The following PTPRS variants were observed in gnomAD, a reference collection of about 807,000 sequenced individuals.
PTPRS encodes the protein receptor-type tyrosine-protein phosphatase S.
A neutral mutation model predicts 215.3 loss-of-function variants in PTPRS; 63 were observed. The observed-to-expected ratio is 0.29, with a 90% CI of 0.24 to 0.36. The LOEUF (loss-of-function observed/expected upper bound fraction) is 0.36. Among genes scored for constraint, PTPRS ranks in the 10% least tolerant of loss-of-function variants. The pLI, the probability that PTPRS is intolerant of heterozygous loss-of-function variation, is 1.00. For missense variants in PTPRS, 2,258 were observed against 2,825.8 expected (o/e 0.80, Z 4.56); for synonymous variants, 1,404 against 1,191.4 (o/e 1.18, Z -3.68).
chr19:5,302,858 C>G (rs1322956936), intron 1 of PTPRS, among the ~76,000 whole-genome samples: 1 of 146,538 alleles, frequency 6.8e-6, no homozygotes, highest in Non-Finnish European at 1.5e-5. Context: ...GAGATCGAGA[C>G]GATCCTGGCT....
chr19:5,314,922 G>A (rs748785002), intron 1 of PTPRS, among the ~76,000 whole-genome samples: 3 of 152,202 alleles, frequency 2.0e-5, no homozygotes, highest in Non-Finnish European at 2.9e-5. Flanking sequence ...CCCACATGGC[G>A]TCATTCAGAT....
intron 1 of PTPRS, among the ~76,000 whole-genome samples, chr19:5,296,375 C>T (rs1435092679): frequency 3.3e-5 from 5 of 152,088 alleles, no homozygotes; most frequent in African/African-American, 4.8e-5. Flanking sequence ...TGGCGCATGA[C>T]TGTGGTTCCA....
intron 11 of PTPRS, among the ~76,000 whole-genome samples, chr19:5,242,371 A>C (rs2044114505): frequency 6.6e-6 from 1 of 151,948 alleles, no homozygotes; most frequent in African/African-American, 2.4e-5. Flanking sequence ...TTTGGCTAGG[A>C]TAACTGTCCA....
intron 1 of PTPRS, among the ~76,000 whole-genome samples, chr19:5,323,887 A>T (rs1180300377): frequency 1.3e-5 from 2 of 152,184 alleles, no homozygotes; most frequent in Non-Finnish European, 2.9e-5. Flanking sequence ...GTGTTGGTCC[A>T]GGTGATGATG....
At chr19:5,340,182 GCCC>G (rs1054300754) in intron 1 of PTPRS, among the ~76,000 whole-genome samples, 4 of 150,694 alleles carry the variant, frequency 2.7e-5, no homozygotes, top group African/African-American at 9.7e-5. Context: ...GCGCCCGCAT[GCCC>G]CCCATCCCCC....
rs747709212 is a variant in PTPRS, at chr19:5,257,970, GGGACGGGGCGGGTCCCTGCCTTTGACCT to G, written c.706+19_706+46del. 6.6e-7 allele frequency: 1 copy of G among 1,512,204 alleles called. No individual in the cohort carries two copies. Among genetic ancestry groups the G allele is most frequent in the Non-Finnish European group, 9.1e-7 (1 of 1,098,136 alleles). 93.7% of individuals were successfully genotyped at this position (1,512,204 alleles called of 1,614,324 possible). Reference sequence around the variant, plus strand: ...GGTGAGCCCGAGGAGGGAGGGGGATGGGACGGGGCGGGTCCCTGCCTTTGACCTGGACGCGGCGTTCCCTACCTCGCAC... The same window carrying G: ...GGTGAGCCCGAGGAGGGAGGGGGATGGGACGCGGCGTTCCCTACCTCGCAC... On this transcript the variant is annotated intron_variant, in intron 8 of 37. Transcript: ENST00000262963. The surrounding 1 kb of genome is among the most constrained non-coding windows in gnomAD (Gnocchi z 4.4).
At chr19:5,261,904 A>C (rs2046023931) in intron 6 of PTPRS, among the ~76,000 whole-genome samples, 1 of 152,230 alleles carries the variant, frequency 6.6e-6, no homozygotes, top group African/African-American at 2.4e-5. Flanking sequence ...GGAGAACTGG[A>C]ATCCGAGTCA....
In PTPRS at chr19:5,206,228, C is replaced by T. The variant is rs2040355238; in HGVS notation, c.*546G>A. On this transcript the variant is annotated 3_prime_UTR_variant, in exon 38 of 38. Coordinates refer to ENST00000262963, the MANE Select transcript of PTPRS (RefSeq NM_002850.4). ...GTTCTCTTTGAAAGTCATTGACTGGCGAGTCTTTTGTTTGTTTCTCTTAAA... is the reference window on the plus strand; with the variant it reads ...GTTCTCTTTGAAAGTCATTGACTGGTGAGTCTTTTGTTTGTTTCTCTTAAA... 1.8e-5 allele frequency: 3 copies of T among 171,214 alleles called. No homozygotes were observed. Among genetic ancestry groups the T allele is most frequent in the Non-Finnish European group, 3.3e-5 (3 of 90,058 alleles). The allele number at this position is 171,214 out of a possible 1,614,324, so 10.6% of individuals were successfully genotyped here.
At chr19:5,300,807 C>T (rs1402956266) in intron 1 of PTPRS, among the ~76,000 whole-genome samples, 7 of 149,624 alleles carry the variant, frequency 4.7e-5, no homozygotes, top group Non-Finnish European at 7.4e-5. Context: ...AAAGAAAAAG[C>T]GGTAAAATAT....
chr19:5,296,804 G>T (rs1161518760), intron 1 of PTPRS, among the ~76,000 whole-genome samples: 1 of 152,114 alleles, frequency 6.6e-6, no homozygotes, highest in Admixed American at 6.5e-5. Flanking sequence ...TTGACCCTGA[G>T]GAAGGTGGGA....
At chr19:5,247,740 A>G (rs2146030028) in intron 9 of PTPRS, among the ~76,000 whole-genome samples, 1 of 151,954 alleles carries the variant, frequency 6.6e-6, no homozygotes, top group South Asian at 2.1e-4. Context: ...AAGGGGATAA[A>G]GGGAGGTGGC....
chr19:5,231,116 C>T (rs965725062), intron 14 of PTPRS, among the ~76,000 whole-genome samples, 194 bp downstream of exon 14: 1 of 152,186 alleles, frequency 6.6e-6, no homozygotes, highest in African/African-American at 2.4e-5. Context: ...CAGAGCTAAG[C>T]CTGCCCATGT....
intron 4 of PTPRS, among the ~76,000 whole-genome samples, chr19:5,266,151 C>T (rs559864878): frequency 2.8e-3 from 432 of 151,896 alleles, no homozygotes; most frequent in South Asian, 7.7e-3. Context: ...CCCAGCTACC[C>T]GGGAGACTGA....
intron 1 of PTPRS, among the ~76,000 whole-genome samples, chr19:5,305,318 G>C (rs1009096095): frequency 1.1e-4 from 16 of 152,114 alleles, no homozygotes; most frequent in Admixed American, 2.0e-4. Flanking sequence ...GGCTGAGAAA[G>C]GAGGACCACT....
intron 1 of PTPRS, among the ~76,000 whole-genome samples, chr19:5,307,325 A>AAATG (rs1385443610): frequency 7.3e-6 from 1 of 137,652 alleles, no homozygotes; most frequent in Admixed American, 7.9e-5. Context: ...ATAAATACAT[A>AAATG]AATGAATGAA....
chr19:5,274,889 A>C (rs2047227152), intron 2 of PTPRS, among the ~76,000 whole-genome samples: 1 of 152,188 alleles, frequency 6.6e-6, no homozygotes, highest in Non-Finnish European at 1.5e-5. Context: ...GGTCAGAGCC[A>C]GTATTTGAAC....
At chr19:5,229,912 C>CG (rs965643827) in intron 14 of PTPRS, among the ~76,000 whole-genome samples, 6 of 151,924 alleles carry the variant, frequency 3.9e-5, no homozygotes, top group African/African-American at 1.2e-4. Context: ...GCTGCCCCCC[C>CG]CCGAGTCTAA....
rs748971046 is a variant in PTPRS, at chr19:5,222,759, T to C, written c.3033A>G (p.Arg1011=). 1.9e-6 allele frequency: 3 copies of C among 1,598,814 alleles called. No homozygotes were observed. In the South Asian group the frequency reaches 3.3e-5, roughly 18 times the overall value. Residue 1011 remains arginine (R), a synonymous_variant, in exon 18 of 38, where the codon CGA becomes CGG. Transcript: ENST00000262963. ...GGCCAGGGCCCCGGCGCGTGTGGGC[T>C]CGCACTTGGAGGTCATAGGCCGTGT... ...KPDTAYDLQV[R]AHTRRGPGPF...
rs557855780 is a variant in PTPRS at position 5,295,492 on chromosome 19, A to G, written c.-94-9258T>C. ...CCCTCCCCCTTGGCTGGGTGGCCCC[A>G]TCAGCACAGAGCCCTACATGCGCCT... On this transcript the variant is annotated intron_variant, in intron 1 of 37. Coordinates refer to ENST00000262963, the MANE Select transcript of PTPRS (RefSeq NM_002850.4). This position sits in a 1 kb window ranked among gnomAD's most constrained non-coding sequence, Gnocchi z 4.6. Among the ~76,000 whole-genome samples the G allele has an allele frequency of 6.6e-6, 1 of 150,544 alleles. No individual in the cohort carries two copies. The highest frequency in any genetic ancestry group is 2.0e-4 in the East Asian group (1 of 5,058).
Sources: gnomAD v4.1 joint callset for allele counts (sites outside exome capture counted in the v4.1 genomes callset) on GRCh38, gnomAD v4.1.1 for gene constraint, Gnocchi (gnomAD v3.1) non-coding constraint, MANE v1.5 for transcripts, NCBI Gene and HGNC (gene_info 2026-07-23, HGNC 2026-07-21) for gene names.